Variants in PCDHGA11 observed in about 807,000 individuals in gnomAD.
PCDHGA11 encodes the protein protocadherin gamma subfamily A, 11.
A neutral mutation model predicts 60.4 loss-of-function variants in PCDHGA11; 39 were observed. That is an observed-to-expected ratio of 0.65 (90% CI 0.50 to 0.84). The LOEUF is 0.84. Among genes scored for constraint, PCDHGA11 ranks in the 40% least tolerant of loss-of-function variants. The pLI is 0.00. For missense variants in PCDHGA11, 1,165 were observed against 1,197.7 expected, an observed-to-expected ratio of 0.97 and a Z score of 0.40; for synonymous variants, 533 against 510.3, an observed-to-expected ratio of 1.04 and a Z score of -0.60.
intron 1 of PCDHGA11, among the ~76,000 whole-genome samples, chr5:141,454,795 A>G (rs79012896): frequency 9.1e-6 from 1 of 110,272 alleles, no homozygotes; most frequent in South Asian, 3.0e-4. Flanking sequence ...CCATGGTTCT[A>G]ATTTTTTTTT....
Position 141,490,004 on chromosome 5 carries a change from C to T in PCDHGA11, c.2434-4803C>T. On this transcript the variant is annotated intron_variant, in intron 1 of 3. Coordinates refer to ENST00000398587, the MANE Select transcript of PCDHGA11 (RefSeq NM_018914.3). This position sits in a 1 kb window ranked among gnomAD's most constrained non-coding sequence, Gnocchi z 5.4. ...CTACGTGTGGGAATCCCAGAGAATG[C>T]ACCCATTGGTACTCTGCTGCTCCGC... The T allele has an allele frequency of 1.9e-6, 3 of 1,614,174 alleles. No individual in the cohort carries two copies. Among genetic ancestry groups the T allele is most frequent in the Non-Finnish European group, 2.5e-6 (3 of 1,179,980 alleles).
chr5:141,511,711 T>G lies in PCDHGA11; in HGVS notation c.*538T>G. 1 of 185,916 alleles carries G rather than the reference T, an allele frequency of 5.4e-6. No individual in the cohort carries two copies. Among genetic ancestry groups the G allele is most frequent in the South Asian group, 1.1e-4 (1 of 8,818 alleles). The allele number at this position is 185,916 out of a possible 1,614,324, so 11.5% of individuals were successfully genotyped here. A position where few individuals can be genotyped will look rare whatever the true frequency, so the allele number is the denominator to read the frequency against. Reference sequence around the variant, plus strand: ...GTTTGGTGCCAGCCCCTTCACCTCCTTCCAGAGCCCAAGATCAATGCTCAA... The same window carrying G: ...GTTTGGTGCCAGCCCCTTCACCTCCGTCCAGAGCCCAAGATCAATGCTCAA... On this transcript the variant is annotated 3_prime_UTR_variant, in exon 4 of 4. Transcript: ENST00000398587.
intron 1 of PCDHGA11, among the ~76,000 whole-genome samples, chr5:141,464,913 A>T (rs1035542028): frequency 1.3e-4 from 19 of 151,426 alleles, no homozygotes; most frequent in Admixed American, 1.2e-3. Context: ...TAATTTTTTT[A>T]TTTTTTTGTA....
chr5:141,443,561 C>T (rs1487096752), intron 1 of PCDHGA11, among the ~76,000 whole-genome samples: 3 of 152,118 alleles, frequency 2.0e-5, no homozygotes, highest in Non-Finnish European at 1.5e-5. Context: ...AATTCAAATG[C>T]TTTAAATGGA....
chr5:141,490,396 A>G lies in PCDHGA11; in HGVS notation c.2434-4411A>G. ...GGACTCAGGTAGAAATGGTGAAGTGAGCCTTGATATCTCTCCGGACCTGCC... is the reference window on the plus strand; with the variant it reads ...GGACTCAGGTAGAAATGGTGAAGTGGGCCTTGATATCTCTCCGGACCTGCC... On this transcript the variant is annotated intron_variant, in intron 1 of 3. Coordinates refer to ENST00000398587, the MANE Select transcript of PCDHGA11 (RefSeq NM_018914.3). The surrounding 1 kb of genome is among the most constrained non-coding windows in gnomAD (Gnocchi z 5.4). 1 of 1,614,146 alleles carries G rather than the reference A, an allele frequency of 6.2e-7. No homozygotes were observed. The highest frequency in any genetic ancestry group is 8.5e-7 in the Non-Finnish European group (1 of 1,180,030).
chr5:141,437,741 CTTT>C (rs35124340), intron 1 of PCDHGA11, among the ~76,000 whole-genome samples: 1 of 141,708 alleles, frequency 7.1e-6, no homozygotes. Context: ...TTGAGTTCAC[CTTT>C]TTTTTTTTTT....
chr5:141,484,219 C>T (rs766309865), intron 1 of PCDHGA11, among the ~76,000 whole-genome samples: 1 of 152,162 alleles, frequency 6.6e-6, no homozygotes, highest in Non-Finnish European at 1.5e-5. Context: ...TAGCATTCTG[C>T]CAGGTAAAGA....
In PCDHGA11 at chr5:141,422,736, C is replaced by T. The variant is rs1408210168; in HGVS notation, c.1509C>T (p.Ser503=). ...TDDTVQGVPL[S]SYVSINSNTG... ...ACACTGTCCAGGGGGTGCCTCTGTCCTCCTATGTCTCTATTAACTCCAACA... is the reference window on the plus strand; with the variant it reads ...ACACTGTCCAGGGGGTGCCTCTGTCTTCCTATGTCTCTATTAACTCCAACA... The change falls in exon 1 of 4, where the codon TCC becomes TCT. Residue 503 remains serine (S), a synonymous_variant. Transcript: ENST00000398587. The T allele has an allele frequency of 9.9e-6, 16 of 1,608,328 alleles. No homozygotes were observed. The highest frequency in any genetic ancestry group is 1.2e-5 in the Non-Finnish European group (14 of 1,176,662).
chr5:141,476,837 G>A lies in PCDHGA11; in HGVS notation c.2434-17970G>A, dbSNP rs1160244271. 4 of 1,613,534 alleles carry A rather than the reference G, an allele frequency of 2.5e-6. No individual in the cohort carries two copies. The highest frequency in any genetic ancestry group is 3.4e-6 in the Non-Finnish European group (4 of 1,180,054). On this transcript the variant is annotated intron_variant, in intron 1 of 3. Coordinates refer to ENST00000398587, the MANE Select transcript of PCDHGA11 (RefSeq NM_018914.3). The surrounding 1 kb of genome is among the most constrained non-coding windows in gnomAD (Gnocchi z 7.6). Reference sequence around the variant, plus strand: ...CAAGGTGCTGGACGCGAATGACAATGCGCCTGTCTTCAACCAGTCCTTGTA... The same window carrying A: ...CAAGGTGCTGGACGCGAATGACAATACGCCTGTCTTCAACCAGTCCTTGTA...
chr5:141,505,509 G>A (rs778054090), intron 3 of PCDHGA11, 28 bp downstream of exon 3: 1 of 1,613,940 alleles, frequency 6.2e-7, no homozygotes, highest in Non-Finnish European at 8.5e-7. Context: ...GTGTATGGAA[G>A]AGTGGGAGAC....
chr5:141,490,313 C>G lies in PCDHGA11; in HGVS notation c.2434-4494C>G. The G allele has an allele frequency of 6.2e-7, 1 of 1,614,222 alleles. No individual in the cohort carries two copies. The highest frequency in any genetic ancestry group is 8.5e-7 in the Non-Finnish European group (1 of 1,180,024). Reference sequence around the variant, plus strand: ...GTGCTATTGGCCTCTTTGGCCAACCCTGTCCTAGAGAGCACACCAGTGGGC... The same window carrying G: ...GTGCTATTGGCCTCTTTGGCCAACCGTGTCCTAGAGAGCACACCAGTGGGC... On this transcript the variant is annotated intron_variant, in intron 1 of 3. Transcript: ENST00000398587. The surrounding 1 kb of genome is among the most constrained non-coding windows in gnomAD (Gnocchi z 5.4).
chr5:141,423,957 T>G, intron 1 of PCDHGA11: 1 of 1,183,084 alleles, frequency 8.5e-7, no homozygotes, highest in Non-Finnish European at 1.1e-6. Context: ...TTTAGTATTA[T>G]TTTTCTATTA....
At position 141,432,395 on chromosome 5, in the gene PCDHGA11, G is replaced by A; in HGVS notation, c.2433+8735G>A. 6.2e-7 allele frequency: 1 copy of A among 1,614,240 alleles called. No individual in the cohort carries two copies. ...CGGGCACCCGCCCCTCAGCAGCAAC[G>A]TGTCGTTGAGCCTGTTCGTGCTGGA... On this transcript the variant is annotated intron_variant, in intron 1 of 3. Coordinates refer to ENST00000398587, the MANE Select transcript of PCDHGA11 (RefSeq NM_018914.3). This position sits in a 1 kb window ranked among gnomAD's most constrained non-coding sequence, Gnocchi z 6.0.
Position 141,490,710 on chromosome 5 carries a change from C to G in PCDHGA11, c.2434-4097C>G, listed in dbSNP as rs1158575765. On this transcript the variant is annotated intron_variant, in intron 1 of 3. Coordinates refer to ENST00000398587, the MANE Select transcript of PCDHGA11 (RefSeq NM_018914.3). The surrounding 1 kb of genome is among the most constrained non-coding windows in gnomAD (Gnocchi z 5.4). ...ACACTGGGGATAATGCCCGCCTCAC[C>G]TACTCCATTGTAGGAAATCAGGTTC... 6.2e-7 allele frequency: 1 copy of G among 1,614,208 alleles called. No homozygotes were observed. The highest frequency in any genetic ancestry group is 8.5e-7 in the Non-Finnish European group (1 of 1,180,030).
rs371350905 is a variant in PCDHGA11 at position 141,476,860 on chromosome 5, G to A, written c.2434-17947G>A. The A allele has an allele frequency of 6.7e-5, 108 of 1,613,762 alleles. No individual in the cohort carries two copies. The highest frequency in any genetic ancestry group is 1.6e-4 in the East Asian group (7 of 44,884). ...ATGCGCCTGTCTTCAACCAGTCCTT[G>A]TACCGGGCGCGCGTCCTGGAGGATG... is the stretch of plus-strand genomic sequence containing the variant. On this transcript the variant is annotated intron_variant, in intron 1 of 3. Transcript: ENST00000398587. This position sits in a 1 kb window ranked among gnomAD's most constrained non-coding sequence, Gnocchi z 7.6.
chr5:141,425,661 C>A (rs993314865), intron 1 of PCDHGA11, among the ~76,000 whole-genome samples: 5 of 152,184 alleles, frequency 3.3e-5, no homozygotes, highest in Admixed American at 3.3e-4. Context: ...ATTATCTGCA[C>A]ATCAGATTGA....
At chr5:141,502,767 C>T (rs970206343) in intron 2 of PCDHGA11, among the ~76,000 whole-genome samples, 1 of 151,756 alleles carries the variant, frequency 6.6e-6, no homozygotes, top group East Asian at 1.9e-4. Flanking sequence ...TGCTGGTATT[C>T]TTCTGAAAAT....
chr5:141,494,897 C>T (rs1194879883), intron 2 of PCDHGA11, 32 bp downstream of exon 2: 2 of 1,614,122 alleles, frequency 1.2e-6, no homozygotes, highest in South Asian at 2.2e-5. Flanking sequence ...CCACCCTCTT[C>T]TCTGCGGCAT....
chr5:141,442,818 C>A (rs553817796), intron 1 of PCDHGA11, among the ~76,000 whole-genome samples: 1 of 151,882 alleles, frequency 6.6e-6, no homozygotes, highest in Non-Finnish European at 1.5e-5. Context: ...TGTACTGATC[C>A]AAAAATAAGG....
Sources: gnomAD v4.1 joint callset for allele counts (sites outside exome capture counted in the v4.1 genomes callset) on GRCh38, gnomAD v4.1.1 for gene constraint, Gnocchi (gnomAD v3.1) non-coding constraint, MANE v1.5 for transcripts, NCBI Gene and HGNC (gene_info 2026-07-23, HGNC 2026-07-21) for gene names.